Variants in MTUS2 observed in about 807,000 individuals in gnomAD.
MTUS2 encodes the protein microtubule-associated tumor suppressor candidate 2.
Under a neutral mutation model 114.1 loss-of-function variants are expected in MTUS2, and 40 were observed. The ratio of observed to expected loss-of-function variants is 0.35; its 90% confidence interval spans 0.27 to 0.46. The LOEUF is 0.46. MTUS2 is among the 20% of genes least tolerant of loss of function. The pLI is 1.00. For missense variants in MTUS2, 1,679 were observed against 1,705.4 expected (o/e 0.98, Z 0.27); for synonymous variants, 688 against 672.0 (o/e 1.02, Z -0.37).
At chr13:29,488,260 G>A (rs902266995) in intron 11 of MTUS2, 24 of 480,498 alleles carry the variant, frequency 5.0e-5, no homozygotes, top group South Asian at 1.3e-4. Context: ...CCTGGGGAGC[G>A]GTAACAAAAG....
intron 7 of MTUS2, among the ~76,000 whole-genome samples, chr13:29,345,318 A>AT (rs1425843635): frequency 6.6e-6 from 1 of 152,018 alleles, no homozygotes; most frequent in Non-Finnish European, 1.5e-5. Context: ...GTCATTTAAC[A>AT]TAATCCCAAA....
chr13:29,497,239 A>G lies in MTUS2; in HGVS notation c.3581A>G (p.Asp1194Gly), dbSNP rs1391769613. The change falls in exon 13 of 16, where the codon GAC (aspartate) becomes GGC (glycine). Residue 1194 changes from aspartate to glycine, a missense_variant and splice_region_variant. This residue lies in a region of MTUS2 where 822 missense variants were observed against 899.7 expected (regional missense o/e 0.91). Transcript: ENST00000612955. ...NFEKLRLSLQ[D>G]QVDTLTFQSQ... ...GACTCCTTGTATCATTACTTGCAGG[A>G]CCAGGTGGACACGCTGACCTTCCAG... 6.2e-7 allele frequency: 1 copy of G among 1,612,026 alleles called. No homozygotes were observed. The highest frequency in any genetic ancestry group is 8.5e-7 in the Non-Finnish European group (1 of 1,179,794).
intron 2 of MTUS2, among the ~76,000 whole-genome samples, chr13:28,986,878 A>G (rs1363973840): frequency 1.3e-5 from 2 of 152,222 alleles, no homozygotes; most frequent in Admixed American, 6.5e-5. Flanking sequence ...GCAAGTGTTC[A>G]GTGGCTGCAT....
chr13:29,006,616 A>G (rs564259044), intron 2 of MTUS2, among the ~76,000 whole-genome samples: 7 of 152,280 alleles, frequency 4.6e-5, no homozygotes, highest in African/African-American at 1.7e-4. Context: ...TCTGCTTTGT[A>G]TGGATGGTGG....
At chr13:29,434,325 T>C (rs931517842) in intron 8 of MTUS2, among the ~76,000 whole-genome samples, 2 of 152,138 alleles carry the variant, frequency 1.3e-5, no homozygotes, top group African/African-American at 2.4e-5. Flanking sequence ...TCCCAGGTGC[T>C]ATTTTGCCTG....
At chr13:29,081,357 A>C (rs1006752413) in intron 4 of MTUS2, among the ~76,000 whole-genome samples, 8 of 152,096 alleles carry the variant, frequency 5.3e-5, no homozygotes, top group Admixed American at 3.9e-4. Context: ...ATTCACCCTG[A>C]TGTCTAACTG....
At chr13:29,286,644 A>ATCTG (rs1898492378) in intron 6 of MTUS2, among the ~76,000 whole-genome samples, 1 of 133,150 alleles carries the variant, frequency 7.5e-6, no homozygotes, top group African/African-American at 3.1e-5. Flanking sequence ...GCCATGCACT[A>ATCTG]TCTATCTGTC....
chr13:29,117,074 T>C (rs1487786235), intron 5 of MTUS2, among the ~76,000 whole-genome samples: 1 of 152,190 alleles, frequency 6.6e-6, no homozygotes, highest in African/African-American at 2.4e-5. Flanking sequence ...TTCTCCTTCT[T>C]TGGGAGTATT....
At chr13:28,883,753 A>T (rs1326904107) in intron 2 of MTUS2, among the ~76,000 whole-genome samples, 1 of 152,174 alleles carries the variant, frequency 6.6e-6, no homozygotes, top group African/African-American at 2.4e-5. Context: ...CTAACTAAAC[A>T]TGTTATCAGA....
chr13:29,390,384 TG>T (rs1787913368), intron 8 of MTUS2, among the ~76,000 whole-genome samples: 1 of 151,984 alleles, frequency 6.6e-6, no homozygotes, highest in African/African-American at 2.4e-5. Context: ...CCGGTTGCTG[TG>T]GCTCACACCT....
intron 8 of MTUS2, among the ~76,000 whole-genome samples, chr13:29,412,599 A>G (rs1368622385): frequency 2.0e-5 from 3 of 152,188 alleles, no homozygotes; most frequent in Admixed American, 6.5e-5. Context: ...TATTAAAAGA[A>G]TAAGGAAGGA....
At chr13:29,320,101 G>A (rs1350143419) in intron 6 of MTUS2, among the ~76,000 whole-genome samples, 1 of 152,138 alleles carries the variant, frequency 6.6e-6, no homozygotes, top group African/African-American at 2.4e-5. Context: ...GTTGAGATGG[G>A]GAGATTATCC....
At chr13:29,177,052 A>G (rs1893804032) in intron 5 of MTUS2, among the ~76,000 whole-genome samples, 1 of 151,060 alleles carries the variant, frequency 6.6e-6, no homozygotes, top group South Asian at 2.1e-4. Flanking sequence ...CTCTCTTTCT[A>G]GACTTGCTCA....
In MTUS2 at chr13:29,024,935, C is replaced by G. The variant is rs1886445265; in HGVS notation, c.237C>G (p.His79Gln). 6.2e-7 allele frequency: 1 copy of G among 1,613,672 alleles called. No homozygotes were observed. The highest frequency in any genetic ancestry group is 1.3e-5 in the African/African-American group (1 of 74,904). ...ENRTHFHKEF[H>Q]QLQGFGKGSQ... is the part of the protein sequence containing the mutation. ...GTACCCATTTCCATAAGGAATTTCA[C>G]CAACTTCAGGGCTTTGGGAAAGGCT... Residue 79 changes from histidine to glutamine, a missense_variant, in exon 3 of 16, where the codon CAC becomes CAG. Around this residue, in one of 3 missense-constraint regions of MTUS2, gnomAD observed 843 missense variants for 770.8 expected, o/e 1.09. Transcript: ENST00000612955.
intron 5 of MTUS2, among the ~76,000 whole-genome samples, chr13:29,214,173 C>G (rs1479654581): frequency 2.3e-5 from 2 of 86,198 alleles, no homozygotes; most frequent in East Asian, 4.0e-4. Context: ...TGAACCTATA[C>G]TACATTGTTT....
chr13:29,222,535 G>A (rs1025753762), intron 5 of MTUS2, among the ~76,000 whole-genome samples: 1 of 152,244 alleles, frequency 6.6e-6, no homozygotes, highest in Non-Finnish European at 1.5e-5. Context: ...TCTTTGTGAT[G>A]GAGGTGGTGG....
intron 8 of MTUS2, among the ~76,000 whole-genome samples, chr13:29,422,361 G>A (rs1876167953): frequency 6.6e-6 from 1 of 152,170 alleles, no homozygotes; most frequent in Non-Finnish European, 1.5e-5. Flanking sequence ...ACAGAGTTTT[G>A]TGAGAGTTAC....
At chr13:28,941,431 G>T (rs1421293303) in intron 2 of MTUS2, among the ~76,000 whole-genome samples, 2 of 151,914 alleles carry the variant, frequency 1.3e-5, no homozygotes, top group African/African-American at 2.4e-5. Flanking sequence ...AACAAATCAA[G>T]ACATGCTTAT....
intron 2 of MTUS2, among the ~76,000 whole-genome samples, chr13:28,993,689 T>C (rs1477186328): frequency 6.6e-6 from 1 of 152,094 alleles, no homozygotes. Context: ...TTATCTTTGT[T>C]GACTTTATTG....
Sources: allele counts gnomAD v4.1 joint callset (sites outside exome capture counted in the v4.1 genomes callset), GRCh38; gene constraint gnomAD v4.1.1; regional missense constraint gnomAD v4.1.1; transcripts MANE v1.5; gene names NCBI Gene and HGNC (gene_info 2026-07-23, HGNC 2026-07-21).